PLXDC1: variants seen among roughly 807,000 people sequenced by gnomAD.
The protein encoded by PLXDC1 is plexin domain-containing protein 1.
Under a neutral mutation model 61.3 loss-of-function variants are expected in PLXDC1, and 39 were observed. The observed-to-expected ratio is 0.64, with a 90% CI of 0.49 to 0.83. PLXDC1 has a LOEUF of 0.83. PLXDC1 is among the 40% of genes least tolerant of loss of function. The pLI is 0.00. For synonymous variants in PLXDC1, 212 were observed against 254.5 expected (o/e 0.83, Z 1.59); for missense variants, 596 against 666.5 (o/e 0.89, Z 1.17).
intron 13 of PLXDC1, among the ~76,000 whole-genome samples, chr17:39,069,590 T>C (rs989062251): frequency 6.6e-6 from 1 of 151,778 alleles, no homozygotes; most frequent in Non-Finnish European, 1.5e-5. Flanking sequence ...CCTCTGGGGA[T>C]TTTTTCTGAT....
rs1207225667 is a variant in PLXDC1, at chr17:39,072,452, TCTC to T, written c.1217_1219del (p.Gly406del). 6 of 1,553,796 alleles carry T rather than the reference TCTC, an allele frequency of 3.9e-6. No individual in the cohort carries two copies. On this transcript the variant is annotated inframe_deletion, in exon 12 of 14. Coordinates refer to ENST00000315392, the MANE Select transcript of PLXDC1 (RefSeq NM_020405.5). ...AGGGCAGGCAGTTCTGTACTCACCGTCTCCTCCTGCATAGGGATTCAACTTGGT... is the reference window on the plus strand; with the variant it reads ...AGGGCAGGCAGTTCTGTACTCACCGTCTCCTGCATAGGGATTCAACTTGGT...
At chr17:39,112,859 A>T (rs1263457096) in intron 2 of PLXDC1, 1 of 152,184 alleles carries the variant, frequency 6.6e-6, no homozygotes, top group East Asian at 1.9e-4. Context: ...GGGGAAAACG[A>T]GTGGCCCACC....
intron 2 of PLXDC1, among the ~76,000 whole-genome samples, chr17:39,123,606 C>G (rs1160284353): frequency 6.6e-6 from 1 of 152,204 alleles, no homozygotes; most frequent in Non-Finnish European, 1.5e-5. Context: ...AGCTATTACC[C>G]TGATTTGTTT....
intron 2 of PLXDC1, among the ~76,000 whole-genome samples, chr17:39,124,611 A>G (rs1911263909): frequency 6.6e-6 from 1 of 152,208 alleles, no homozygotes; most frequent in African/African-American, 2.4e-5. Flanking sequence ...TTTTAATTAA[A>G]TTAAGTTAAA....
chr17:39,129,323 A>T (rs1911457003), intron 2 of PLXDC1, among the ~76,000 whole-genome samples: 1 of 149,708 alleles, frequency 6.7e-6, no homozygotes, highest in African/African-American at 2.5e-5. Flanking sequence ...GTCTCAAAAA[A>T]AAAAAAAAAA....
intron 11 of PLXDC1, among the ~76,000 whole-genome samples, chr17:39,074,702 C>A (rs1909258695): frequency 6.6e-6 from 1 of 152,136 alleles, no homozygotes; most frequent in African/African-American, 2.4e-5. Context: ...GACACTGTGC[C>A]TCCACCAGAC....
At chr17:39,123,693 A>C (rs1356894496) in intron 2 of PLXDC1, among the ~76,000 whole-genome samples, 1 of 152,198 alleles carries the variant, frequency 6.6e-6, no homozygotes, top group Non-Finnish European at 1.5e-5. Flanking sequence ...AAACGTCAGC[A>C]GTTACAGTAT....
chr17:39,104,055 C>CA (rs1910513893), intron 7 of PLXDC1, among the ~76,000 whole-genome samples: 1 of 152,156 alleles, frequency 6.6e-6, no homozygotes, highest in South Asian at 2.1e-4. Context: ...CCTAGTCCTG[C>CA]ACTGTTCGCT....
At chr17:39,136,849 G>T (rs1911767424) in intron 2 of PLXDC1, among the ~76,000 whole-genome samples, 1 of 151,930 alleles carries the variant, frequency 6.6e-6, no homozygotes, top group South Asian at 2.1e-4. Flanking sequence ...CCAGAAAGAA[G>T]AACAACAAGC....
chr17:39,146,323 G>A (rs1443073624), intron 1 of PLXDC1, among the ~76,000 whole-genome samples: 3 of 152,030 alleles, frequency 2.0e-5, no homozygotes, highest in African/African-American at 7.2e-5. Context: ...CTCCCGCCTT[G>A]GCCTCCCAAA....
chr17:39,108,332 G>A, intron 4 of PLXDC1, 87 bp from the exon 5 acceptor site: 1 of 1,413,448 alleles, frequency 7.1e-7, no homozygotes, highest in Non-Finnish European at 9.9e-7. Flanking sequence ...AAGAAGGGCA[G>A]CGCAGGCAGA....
At chr17:39,109,223 C>A in intron 3 of PLXDC1, 25 bp downstream of exon 3, 1 of 1,595,134 alleles carries the variant, frequency 6.3e-7, no homozygotes, top group East Asian at 2.2e-5. Flanking sequence ...CACAGGGAAG[C>A]ATGGCTGGCG....
upstream of PLXDC1, among the ~76,000 whole-genome samples, chr17:39,152,157 C>A (rs927435027): frequency 1.3e-5 from 2 of 149,494 alleles, no homozygotes; most frequent in African/African-American, 2.5e-5. Context: ...ATCCCACCCC[C>A]CTTCCATGAC....
intron 2 of PLXDC1, chr17:39,137,473 T>G (rs1420226446): frequency 2.0e-5 from 3 of 152,170 alleles, no homozygotes; most frequent in Admixed American, 6.5e-5. Context: ...GAAGAATCGC[T>G]TGAACCCAGG....
At chr17:39,088,161 A>T (rs377123973) in intron 7 of PLXDC1, among the ~76,000 whole-genome samples, 1 of 152,150 alleles carries the variant, frequency 6.6e-6, no homozygotes, top group African/African-American at 2.4e-5. Flanking sequence ...CACTGTGGAC[A>T]TGAGGGTCTA....
chr17:39,069,815 C>T (rs1293464967), intron 13 of PLXDC1, 41 bp downstream of exon 13: 1 of 1,567,856 alleles, frequency 6.4e-7, no homozygotes, highest in East Asian at 2.2e-5. Context: ...GACGCCGACG[C>T]AGAAGCAGAC....
intron 7 of PLXDC1, chr17:39,096,759 T>A (rs749052187): frequency 2.8e-6 from 1 of 360,892 alleles, no homozygotes; most frequent in African/African-American, 2.1e-5. Flanking sequence ...TCAGTTTCGA[T>A]GTTGGCAATG....
At chr17:39,152,710 G>C (rs2045382179), upstream of PLXDC1, 2 of 1,232,752 alleles carry the variant, frequency 1.6e-6, no homozygotes, top group East Asian at 6.3e-5. Flanking sequence ...GAGGGATATG[G>C]GCGGGGACAG....
chr17:39,063,716 G>A lies in PLXDC1; in HGVS notation c.*4124C>T. 1.9e-6 allele frequency: 1 copy of A among 520,482 alleles called. No individual in the cohort carries two copies. Among genetic ancestry groups the A allele is most frequent in the Non-Finnish European group, 3.4e-6 (1 of 294,464 alleles). The allele number at this position is 520,482 out of a possible 1,614,324, so 32.2% of individuals were successfully genotyped here. On this transcript the variant is annotated 3_prime_UTR_variant, in exon 14 of 14. Transcript: ENST00000315392. ...TGTTTTAGAAGGCTGGGTGCCCTCA[G>A]TCCCCAGATCTTTGAATTCTACCAT...
Sources: gnomAD v4.1 joint callset for allele counts (sites outside exome capture counted in the v4.1 genomes callset) on GRCh38, gnomAD v4.1.1 for gene constraint, MANE v1.5 for transcripts, NCBI Gene and HGNC (gene_info 2026-07-23, HGNC 2026-07-21) for gene names.